CFAP300: variants seen among roughly 807,000 people sequenced by gnomAD.
CFAP300 encodes the protein cilia- and flagella-associated protein 300.
Under a neutral mutation model 33.0 loss-of-function variants are expected in CFAP300, and 32 were observed. The observed-to-expected ratio is 0.97, with a 90% CI of 0.73 to 1.30. The LOEUF is 1.30. Among genes scored for constraint, CFAP300 ranks in the 50% most tolerant of loss-of-function variants. The probability of loss-of-function intolerance (pLI) is 0.00; values close to 1 mark genes in which losing one functional copy is unlikely to be tolerated. For synonymous variants in CFAP300, 102 were observed against 106.8 expected, an observed-to-expected ratio of 0.95 and a Z score of 0.28; for missense variants, 356 against 318.1, an observed-to-expected ratio of 1.12 and a Z score of -0.90.
intron 3 of CFAP300, among the ~76,000 whole-genome samples, chr11:102,064,326 G>A (rs1460533535): frequency 6.6e-6 from 1 of 152,024 alleles, no homozygotes. Flanking sequence ...AGAAACTATC[G>A]GGCTCTACAC....
chr11:102,056,598 TG>T (rs1403808135), intron 2 of CFAP300, among the ~76,000 whole-genome samples: 2 of 151,884 alleles, frequency 1.3e-5, no homozygotes, highest in African/African-American at 4.8e-5. Flanking sequence ...TGGGGTTTTT[TG>T]TTTGTTTGTT....
intron 2 of CFAP300, among the ~76,000 whole-genome samples, chr11:102,054,817 T>G (rs1042438925): frequency 2.0e-5 from 3 of 151,188 alleles, no homozygotes; most frequent in African/African-American, 7.3e-5. Flanking sequence ...GAGTGATCAC[T>G]TGAAGGGAAT....
chr11:102,051,613 A>G (rs1941972102), intron 2 of CFAP300, among the ~76,000 whole-genome samples: 1 of 152,232 alleles, frequency 6.6e-6, no homozygotes, highest in African/African-American at 2.4e-5. Context: ...ATTTAGAAAT[A>G]TTGTCTGTCC....
chr11:102,061,346 G>A (rs866258049), intron 3 of CFAP300, among the ~76,000 whole-genome samples: 14 of 152,074 alleles, frequency 9.2e-5, no homozygotes, highest in South Asian at 4.2e-4. Context: ...CCCTTTTAAA[G>A]CAAAAGAAGC....
intron 4 of CFAP300, among the ~76,000 whole-genome samples, chr11:102,075,244 A>G (rs565941796): frequency 1.3e-5 from 2 of 152,346 alleles, no homozygotes; most frequent in East Asian, 3.9e-4. Context: ...ATGGCATAAG[A>G]AAATCCCCTA....
At chr11:102,069,068 C>T (rs1353850568) in intron 4 of CFAP300, among the ~76,000 whole-genome samples, 1 of 152,060 alleles carries the variant, frequency 6.6e-6, no homozygotes, top group Non-Finnish European at 1.5e-5. Flanking sequence ...ATTAGTTTTC[C>T]AACAGAATAC....
rs751349174 is a variant in CFAP300 at position 102,066,647 on chromosome 11, G to A, written c.431G>A (p.Arg144Gln). The change falls in exon 4 of 7, where the codon CGA (arginine) becomes CAA (glutamine). Residue 144 changes from arginine to glutamine, a missense_variant. Coordinates refer to ENST00000434758, the MANE Select transcript of CFAP300 (RefSeq NM_032930.3). ...CDPFLISDEL[R>Q]RVLLVEDSEK... ...CCATTTCTCATTTCTGATGAGTTACGAAGAGTAAGTACAGAATTTTAAAAT... is the reference window on the plus strand; with the variant it reads ...CCATTTCTCATTTCTGATGAGTTACAAAGAGTAAGTACAGAATTTTAAAAT... The A allele has an allele frequency of 2.3e-5, 36 of 1,599,552 alleles. No homozygotes were observed. The East Asian group carries it at 6.3e-4, about 28-fold the overall frequency.
intron 2 of CFAP300, among the ~76,000 whole-genome samples, chr11:102,057,287 C>A (rs551564742): frequency 6.7e-6 from 1 of 150,030 alleles, no homozygotes; most frequent in Non-Finnish European, 1.5e-5. Context: ...TGCAGTAAGC[C>A]GAGATCGCAC....
At position 102,084,544 on chromosome 11, in the gene CFAP300, CAT is replaced by C. The variant is rs1942520253; in HGVS notation, c.*1347_*1348del. ...TAGATTTTTTTAAATTACATAAAAACATAAAATCAAGAACTGAAATGTCTGTT... is the reference window on the plus strand; with the variant it reads ...TAGATTTTTTTAAATTACATAAAAACAAAATCAAGAACTGAAATGTCTGTT... On this transcript the variant is annotated 3_prime_UTR_variant, in exon 7 of 7. Coordinates refer to ENST00000434758, the MANE Select transcript of CFAP300 (RefSeq NM_032930.3). 1 of 152,142 alleles carries C rather than the reference CAT, an allele frequency of 6.6e-6. No individual in the cohort carries two copies. The highest frequency in any genetic ancestry group is 1.5e-5 in the Non-Finnish European group (1 of 68,004). The allele number at this position is 152,142 out of a possible 1,614,324, so 9.4% of individuals were successfully genotyped here. A position where few individuals can be genotyped will look rare whatever the true frequency, so the allele number is the denominator to read the frequency against.
chr11:102,059,837 G>A lies in CFAP300; in HGVS notation c.268+882G>A, dbSNP rs184397011. Among the ~76,000 whole-genome samples, 498 of 146,746 alleles carry A rather than the reference G, an allele frequency of 3.4e-3. 9 individuals carry two copies. The highest frequency in any genetic ancestry group is 0.012 in the African/African-American group (466 of 39,994). ...CTTTTTTTTTTTTTTTTGAGACAGTGTCTCACTCTGTCACCCAGGCTGGAG... is the reference window on the plus strand; with the variant it reads ...CTTTTTTTTTTTTTTTTGAGACAGTATCTCACTCTGTCACCCAGGCTGGAG... On this transcript the variant is annotated intron_variant, in intron 3 of 6. Transcript: ENST00000434758.
rs529354343 is a variant in CFAP300 at position 102,056,665 on chromosome 11, C to A, written c.193-2215C>A. 1.9e-3 allele frequency among the ~76,000 whole-genome samples: 289 copies of A among 152,108 alleles called. 1 individual carries two copies. Among genetic ancestry groups the A allele is most frequent in the South Asian group, 8.7e-3 (42 of 4,824 alleles). The stretch of plus-strand genomic sequence containing the variant: ...TTTTAAGATAGTCTCACTCTGTTAC[C>A]TAGGCTGGAGTGCAGTGACACAATC... On this transcript the variant is annotated intron_variant, in intron 2 of 6. Coordinates refer to ENST00000434758, the MANE Select transcript of CFAP300 (RefSeq NM_032930.3).
At position 102,047,444 on chromosome 11, in the gene CFAP300, C is replaced by G; in HGVS notation, c.-27C>G. The G allele has an allele frequency of 6.6e-7, 1 of 1,522,932 alleles. No homozygotes were observed. Among genetic ancestry groups the G allele is most frequent in the Non-Finnish European group, 8.8e-7 (1 of 1,135,068 alleles). The allele number at this position is 1,522,932 out of a possible 1,614,324, so 94.3% of individuals were successfully genotyped here. ...GCCGCCGCGTCTCCATGGAAACGGCCCAGGCATCCACCCAGCCGAGAGCAC... is the reference window on the plus strand; with the variant it reads ...GCCGCCGCGTCTCCATGGAAACGGCGCAGGCATCCACCCAGCCGAGAGCAC... On this transcript the variant is annotated 5_prime_UTR_variant, in exon 1 of 7. Coordinates refer to ENST00000434758, the MANE Select transcript of CFAP300 (RefSeq NM_032930.3).
At chr11:102,077,636 G>A (rs1049831926) in intron 5 of CFAP300, among the ~76,000 whole-genome samples, 2 of 152,198 alleles carry the variant, frequency 1.3e-5, no homozygotes, top group Admixed American at 6.5e-5. Context: ...GTGCAGTGGC[G>A]CGATCTCAGC....
intron 2 of CFAP300, among the ~76,000 whole-genome samples, chr11:102,053,435 C>T (rs1353037308): frequency 6.6e-6 from 1 of 151,984 alleles, no homozygotes; most frequent in Non-Finnish European, 1.5e-5. Flanking sequence ...CCTATAATCC[C>T]AGCTACTTGG....
chr11:102,074,149 G>C (rs1307151023), intron 4 of CFAP300, among the ~76,000 whole-genome samples: 1 of 147,810 alleles, frequency 6.8e-6, no homozygotes, highest in Non-Finnish European at 1.5e-5. Context: ...CCCAAGGAAG[G>C]ATGCAGTCCG....
At chr11:102,052,563 A>G (rs933457654) in intron 2 of CFAP300, among the ~76,000 whole-genome samples, 2 of 152,248 alleles carry the variant, frequency 1.3e-5, no homozygotes, top group African/African-American at 4.8e-5. Flanking sequence ...TGTAAATTCC[A>G]TAAGAACAGG....
intron 2 of CFAP300, among the ~76,000 whole-genome samples, chr11:102,056,453 C>T (rs1942057873): frequency 6.6e-6 from 1 of 152,186 alleles, no homozygotes; most frequent in African/African-American, 2.4e-5. Context: ...TCTTCTGGTG[C>T]TTTCACCAAA....
At chr11:102,062,994 G>T (rs1468916858) in intron 3 of CFAP300, among the ~76,000 whole-genome samples, 1 of 152,200 alleles carries the variant, frequency 6.6e-6, no homozygotes, top group Admixed American at 6.5e-5. Context: ...TCAAGAAAAG[G>T]TTAGAAAGAC....
intron 5 of CFAP300, among the ~76,000 whole-genome samples, chr11:102,079,846 A>G (rs1453731830): frequency 6.6e-6 from 1 of 152,198 alleles, no homozygotes; most frequent in African/African-American, 2.4e-5. Context: ...AGTCACCTGT[A>G]TTCTATTCCC....
Sources: gnomAD v4.1 joint callset for allele counts (sites outside exome capture counted in the v4.1 genomes callset) on GRCh38, gnomAD v4.1.1 for gene constraint, MANE v1.5 for transcripts, NCBI Gene and HGNC (gene_info 2026-07-23, HGNC 2026-07-21) for gene names.